Variants in ADAR observed in about 807,000 individuals in gnomAD.
The protein encoded by ADAR is double-stranded RNA-specific adenosine deaminase.
In ADAR, 41 loss-of-function variants were observed where a neutral mutation model predicts 113.2. The ratio of observed to expected loss-of-function variants is 0.36; its 90% CI spans 0.28 to 0.47. The LOEUF (loss-of-function observed/expected upper bound fraction) is 0.47, where lower values mean the gene tolerates loss of function less well. Among genes scored for constraint, ADAR ranks in the 20% least tolerant of loss-of-function variants. ADAR has a pLI of 1.00. For missense variants in ADAR, 1,242 were observed against 1,540.9 expected (o/e 0.81, Z 3.25); for synonymous variants, 605 against 572.6 (o/e 1.06, Z -0.81).
At position 154,602,191 on chromosome 1, in the gene ADAR, C is replaced by T. The variant is rs1207182346; in HGVS notation, c.451G>A (p.Gly151Arg). 1 of 1,614,090 alleles carries T rather than the reference C, an allele frequency of 6.2e-7. No homozygotes were observed. The highest frequency in any genetic ancestry group is 8.5e-7 in the Non-Finnish European group (1 of 1,180,034). The change falls in exon 2 of 15, where the codon GGG becomes AGG. Residue 151 changes from glycine to arginine, a missense_variant. Physicochemically the swap from Gly to Arg is moderately radical, Grantham distance 125 (BLOSUM62 -2). Around this residue, in one of 2 missense-constraint regions of ADAR, gnomAD observed 462 missense variants for 483.1 expected, o/e 0.96. Coordinates refer to ENST00000368474, the MANE Select transcript of ADAR (RefSeq NM_001111.5). The part of the protein sequence containing the change: ...QRILKFLEEL[G>R]EGKATTAHDL... ...TGTGCTGTGGTGGCCTTCCCTTCCC[C>T]AAGCTCTTCCAGGAACTTTAAGATC...
intron 6 of ADAR, among the ~76,000 whole-genome samples, chr1:154,596,008 G>A (rs1015211179): frequency 6.6e-6 from 1 of 152,166 alleles, no homozygotes; most frequent in Non-Finnish European, 1.5e-5. Context: ...ATGCTGTACA[G>A]GTTTGTAGCC....
Position 154,601,431 on chromosome 1 carries a change from A to G in ADAR, c.1211T>C (p.Val404Ala), listed in dbSNP as rs2101639317. The G allele has an allele frequency of 6.2e-7, 1 of 1,614,186 alleles. No homozygotes were observed. The highest frequency in any genetic ancestry group is 8.5e-7 in the Non-Finnish European group (1 of 1,180,036). ...CCCATTCTCCACTTTTTCTGTGGTTACCATGTTATTTGAGGCATTTGATGT... is the reference window on the plus strand; with the variant it reads ...CCCATTCTCCACTTTTTCTGTGGTTGCCATGTTATTTGAGGCATTTGATGT... ...IPTSNASNNM[V>A]TTEKVENGQE... The change falls in exon 2 of 15, where the codon GTA (valine) becomes GCA (alanine). Residue 404 changes from valine to alanine, a missense_variant. Physicochemically the swap from Val to Ala is moderately conservative, Grantham distance 64. Transcript: ENST00000368474. This position sits in a 1 kb window ranked among gnomAD's most constrained non-coding sequence, Gnocchi z 4.7.
At chr1:154,591,401 G>A (rs1459686175) in intron 6 of ADAR, among the ~76,000 whole-genome samples, 2 of 152,240 alleles carry the variant, frequency 1.3e-5, no homozygotes, top group African/African-American at 4.8e-5. Flanking sequence ...TTAGGTCAAG[G>A]TCGGCCTTAG....
chr1:154,587,660 A>G (rs1006145213), intron 11 of ADAR, among the ~76,000 whole-genome samples: 2 of 152,172 alleles, frequency 1.3e-5, no homozygotes, highest in African/African-American at 4.8e-5. Flanking sequence ...AGGATAGGAG[A>G]GAAGGAGCCA....
chr1:154,589,698 A>G lies in ADAR; in HGVS notation c.2668+59T>C, dbSNP rs1165115237. ...TTACATGCATGGACTCCAGGGGAGG[A>G]TGAGAGGCACCCGCTTTCAGGCGCC... On this transcript the variant is annotated intron_variant, in intron 8 of 14. Coordinates refer to ENST00000368474, the MANE Select transcript of ADAR (RefSeq NM_001111.5). 7 of 1,604,892 alleles carry G rather than the reference A, an allele frequency of 4.4e-6. No homozygotes were observed. The East Asian group carries it at 1.1e-4, about 26-fold the overall frequency.
chr1:154,600,455 GC>G (rs774540663), intron 2 of ADAR: 1 of 158,146 alleles, frequency 6.3e-6, no homozygotes, highest in Non-Finnish European at 1.4e-5. Context: ...CACCGCCCCG[GC>G]CCCCAAGACC....
intron 9 of ADAR, 93 bp from the exon 10 acceptor site, chr1:154,588,766 A>C: frequency 6.4e-7 from 1 of 1,551,036 alleles, no homozygotes; most frequent in Non-Finnish European, 8.9e-7. Context: ...AAGTAAGGAA[A>C]AGTCTCAATG....
At chr1:154,596,332 T>C (rs1382259422) in intron 6 of ADAR, among the ~76,000 whole-genome samples, 2 of 139,090 alleles carry the variant, frequency 1.4e-5, no homozygotes, top group Admixed American at 7.5e-5. Flanking sequence ...AACCTCCGCC[T>C]CCCAGCTTCA....
At position 154,586,171 on chromosome 1, in the gene ADAR, G is replaced by A. The variant is rs776391752; in HGVS notation, c.3202+10C>T. The A allele has an allele frequency of 4.3e-6, 7 of 1,614,022 alleles. No individual in the cohort carries two copies. Among genetic ancestry groups the A allele is most frequent in the Non-Finnish European group, 5.9e-6 (7 of 1,180,046 alleles). On this transcript the variant is annotated intron_variant, in intron 12 of 14. Coordinates refer to ENST00000368474, the MANE Select transcript of ADAR (RefSeq NM_001111.5). ...CAGACCAGTTCCAGATCCCAAGGCA[G>A]GCCCCTTACCCAATGTGACAGATTT...
In ADAR at chr1:154,596,804, C is replaced by A; in HGVS notation, c.2270+1G>T. On this transcript the variant is annotated splice_donor_variant, in intron 6 of 14. Transcript: ENST00000368474. LOFTEE classifies it high-confidence loss of function. ...GCATTAGCCAGGACTAGGACACTCACTTGGGCTCGTGAGGAGGTCCGGACT... is the reference window on the plus strand; with the variant it reads ...GCATTAGCCAGGACTAGGACACTCAATTGGGCTCGTGAGGAGGTCCGGACT... 6.2e-7 allele frequency: 1 copy of A among 1,612,900 alleles called. No homozygotes were observed. The highest frequency in any genetic ancestry group is 8.5e-7 in the Non-Finnish European group (1 of 1,180,026).
Position 154,582,877 on chromosome 1 carries a change from C to A in ADAR, c.*1929G>T, listed in dbSNP as rs893912785. The A allele has an allele frequency of 2.1e-4, 32 of 152,406 alleles. No homozygotes were observed. The highest frequency in any genetic ancestry group is 7.7e-4 in the African/African-American group (32 of 41,582). The allele number at this position is 152,406 out of a possible 1,614,324, so 9.4% of individuals were successfully genotyped here. On this transcript the variant is annotated 3_prime_UTR_variant, in exon 15 of 15. Transcript: ENST00000368474. ...AGACCCAGAGCCAGGGAGCAGGCCT[C>A]TTCCACTCCAGGAGACAGGCGCCAC...
At position 154,586,585 on chromosome 1, in the gene ADAR, G is replaced by T. The variant is rs552000456; in HGVS notation, c.3020-222C>A. On this transcript the variant is annotated intron_variant, in intron 11 of 14. Transcript: ENST00000368474. ...GCTCTTAAAACATCTATGGTGGTGAGGAGATTGAAAGGGAAGAGAATAGAC... is the reference window on the plus strand; with the variant it reads ...GCTCTTAAAACATCTATGGTGGTGATGAGATTGAAAGGGAAGAGAATAGAC... 1.1e-3 allele frequency among the ~76,000 whole-genome samples: 166 copies of T among 152,344 alleles called. 1 individual carries two copies. Among genetic ancestry groups the T allele is most frequent in the South Asian group, 8.7e-3 (42 of 4,830 alleles).
At chr1:154,604,261 G>A (rs760133827) in intron 1 of ADAR, among the ~76,000 whole-genome samples, 5 of 152,102 alleles carry the variant, frequency 3.3e-5, no homozygotes, top group African/African-American at 7.2e-5. Context: ...CTTTTCTGAT[G>A]GTGACTTCCC....
intron 1 of ADAR, among the ~76,000 whole-genome samples, chr1:154,617,933 T>C (rs1177874884): frequency 1.3e-5 from 2 of 151,736 alleles, no homozygotes; most frequent in African/African-American, 2.4e-5. Context: ...ATAACCCTAG[T>C]TGATTCAAGA....
intron 1 of ADAR, among the ~76,000 whole-genome samples, chr1:154,607,287 G>A (rs1430464818): frequency 6.6e-6 from 1 of 152,166 alleles, no homozygotes; most frequent in Non-Finnish European, 1.5e-5. Context: ...ACTTGTAACA[G>A]TATTTCCTCT....
chr1:154,596,462 A>G (rs948332312), intron 6 of ADAR, among the ~76,000 whole-genome samples: 9 of 151,142 alleles, frequency 6.0e-5, no homozygotes, highest in East Asian at 1.9e-4. Flanking sequence ...CTGGTCTTGA[A>G]CTCCCGACCT....
intron 2 of ADAR, 119 bp downstream of exon 2, chr1:154,600,922 A>G (rs1697828038): frequency 7.2e-7 from 1 of 1,389,280 alleles, no homozygotes; most frequent in Non-Finnish European, 1.0e-6. Context: ...AAAAGGCAGA[A>G]GGGAAGGAGG....
intron 1 of ADAR, among the ~76,000 whole-genome samples, chr1:154,605,266 C>A (rs77586408): frequency 0.069 from 10,534 of 152,166 alleles, 1,235 homozygotes; most frequent in African/African-American, 0.24. Context: ...TCTCCCTCCA[C>A]AGCCACCTAT....
At chr1:154,623,981 G>A (rs1449559982) in intron 1 of ADAR, among the ~76,000 whole-genome samples, 1 of 151,508 alleles carries the variant, frequency 6.6e-6, no homozygotes, top group Non-Finnish European at 1.5e-5. Flanking sequence ...CCAGCCTGGG[G>A]GCGACAGAGC....
Sources: allele counts gnomAD v4.1 joint callset (sites outside exome capture counted in the v4.1 genomes callset), GRCh38; gene constraint gnomAD v4.1.1; regional missense constraint gnomAD v4.1.1; non-coding constraint Gnocchi (gnomAD v3.1); transcripts MANE v1.5; gene names NCBI Gene and HGNC (gene_info 2026-07-23, HGNC 2026-07-21).